Variants in CTIF observed in about 807,000 individuals in gnomAD.
CTIF encodes the protein CBP80/20-dependent translation initiation factor.
Under a neutral mutation model 66.0 loss-of-function variants are expected in CTIF, and 21 were observed. The observed-to-expected ratio is 0.32, with a 90% CI of 0.23 to 0.46. CTIF has a LOEUF of 0.46. Ranked by LOEUF, CTIF falls within the 20% of genes least tolerant of loss-of-function variation. CTIF has a pLI of 1.00. For synonymous variants in CTIF, 345 were observed against 326.4 expected, an observed-to-expected ratio of 1.06 and a Z score of -0.62; for missense variants, 739 against 812.7, an observed-to-expected ratio of 0.91 and a Z score of 1.10.
intron 6 of CTIF, among the ~76,000 whole-genome samples, chr18:48,671,335 CAGG>C (rs556595145): frequency 1.0e-3 from 156 of 152,312 alleles, no homozygotes; most frequent in African/African-American, 3.5e-3. Flanking sequence ...TAGCTGCTCT[CAGG>C]AGTGTGACTG....
intron 1 of CTIF, among the ~76,000 whole-genome samples, chr18:48,586,523 G>A (rs958578759): frequency 4.0e-5 from 6 of 151,654 alleles, no homozygotes; most frequent in African/African-American, 9.7e-5. Flanking sequence ...TGCCCACCTC[G>A]GCCTCCCAAA....
chr18:48,594,032 G>A (rs867205880), intron 1 of CTIF, among the ~76,000 whole-genome samples: 1 of 152,096 alleles, frequency 6.6e-6, no homozygotes, highest in Non-Finnish European at 1.5e-5. Flanking sequence ...TACCTCTCCT[G>A]TGCCACAGAT....
At chr18:48,630,563 G>A (rs995859665) in intron 2 of CTIF, among the ~76,000 whole-genome samples, 2 of 151,624 alleles carry the variant, frequency 1.3e-5, no homozygotes, top group African/African-American at 4.9e-5. Flanking sequence ...ACCTATATGA[G>A]GTTCCCATTT....
chr18:48,736,203 AGCCCCATGGG>A (rs1351345496), intron 7 of CTIF, among the ~76,000 whole-genome samples: 1 of 152,146 alleles, frequency 6.6e-6, no homozygotes, highest in Non-Finnish European at 1.5e-5. Context: ...CGTCCCGCAT[AGCCCCATGGG>A]GCTGTGGTTA....
chr18:48,699,622 A>G (rs1364970236), intron 6 of CTIF, among the ~76,000 whole-genome samples: 1 of 152,170 alleles, frequency 6.6e-6, no homozygotes, highest in Non-Finnish European at 1.5e-5. Flanking sequence ...AAGACCACAG[A>G]CGCAAGTGCT....
At chr18:48,817,775 CAAA>C (rs112155073) in intron 10 of CTIF, among the ~76,000 whole-genome samples, 2 of 137,248 alleles carry the variant, frequency 1.5e-5, no homozygotes, top group Non-Finnish European at 3.2e-5. Flanking sequence ...ACTCGGTCTC[CAAA>C]AAAAAAAAAA....
chr18:48,817,304 C>G lies in CTIF; in HGVS notation c.1455C>G (p.Phe485Leu). Reference protein sequence around the residue: ...LGFITFLCEVFGTMRSSTGEP... With the variant: ...LGFITFLCEVLGTMRSSTGEP... ...TCATCACCTTCCTGTGCGAGGTCTT[C>G]GGCACCATGCGCAGCAGCACAGGCG... The change falls in exon 10 of 12, where the codon TTC becomes TTG. Residue 485 changes from phenylalanine to leucine, a missense_variant. Phe to Leu is a conservative substitution (Grantham distance 22). This residue lies in a region of CTIF where 210 missense variants were observed against 292.3 expected (regional missense o/e 0.72). Coordinates refer to ENST00000256413, the MANE Select transcript of CTIF (RefSeq NM_014772.3). The G allele has an allele frequency of 6.2e-7, 1 of 1,613,938 alleles. No homozygotes were observed. Among genetic ancestry groups the G allele is most frequent in the Non-Finnish European group, 8.5e-7 (1 of 1,179,964 alleles).
At chr18:48,740,944 A>G (rs2092547813) in intron 7 of CTIF, among the ~76,000 whole-genome samples, 1 of 152,130 alleles carries the variant, frequency 6.6e-6, no homozygotes, top group Middle Eastern at 3.2e-3. Flanking sequence ...CTCAGCTTCC[A>G]GCTTTCTAGC....
intron 1 of CTIF, among the ~76,000 whole-genome samples, chr18:48,594,830 T>G (rs1240124596): frequency 6.6e-6 from 1 of 152,204 alleles, no homozygotes; most frequent in Non-Finnish European, 1.5e-5. Context: ...CCTCCTCACC[T>G]GGTGCGTTCA....
chr18:48,667,633 T>G (rs1014329997), intron 5 of CTIF, among the ~76,000 whole-genome samples: 1 of 152,180 alleles, frequency 6.6e-6, no homozygotes, highest in African/African-American at 2.4e-5. Context: ...AGGAGAGGAA[T>G]TCCCCTTATG....
chr18:48,775,548 G>A (rs1910592445), intron 9 of CTIF, among the ~76,000 whole-genome samples: 1 of 152,240 alleles, frequency 6.6e-6, no homozygotes, highest in Non-Finnish European at 1.5e-5. Context: ...AGGGGCCCTG[G>A]GACTGGCCTG....
intron 1 of CTIF, among the ~76,000 whole-genome samples, chr18:48,600,973 C>G (rs1421800587): frequency 6.6e-6 from 1 of 152,144 alleles, no homozygotes; most frequent in Non-Finnish European, 1.5e-5. Context: ...CTTGCTCTCT[C>G]AGCCACGTAG....
intron 6 of CTIF, among the ~76,000 whole-genome samples, chr18:48,673,954 C>G (rs951722810): frequency 1.2e-4 from 19 of 152,206 alleles, no homozygotes; most frequent in Admixed American, 1.2e-3. Context: ...CAGCTCCACT[C>G]AGAGCCCATT....
intron 1 of CTIF, among the ~76,000 whole-genome samples, chr18:48,581,105 A>C (rs2089646402): frequency 6.6e-6 from 1 of 152,162 alleles, no homozygotes; most frequent in Admixed American, 6.5e-5. Flanking sequence ...TCAGCTCTCT[A>C]ATATCCCTTT....
At chr18:48,630,868 G>C (rs1023462356) in intron 2 of CTIF, among the ~76,000 whole-genome samples, 1 of 151,874 alleles carries the variant, frequency 6.6e-6, no homozygotes, top group African/African-American at 2.4e-5. Flanking sequence ...TAGTAGAGAC[G>C]GGGTTTCACC....
At chr18:48,657,019 G>C (rs528521346) in intron 3 of CTIF, among the ~76,000 whole-genome samples, 1 of 152,376 alleles carries the variant, frequency 6.6e-6, no homozygotes, top group South Asian at 2.1e-4. Context: ...GACGAGGGGT[G>C]AATGGGCAGG....
At chr18:48,664,627 C>A in intron 5 of CTIF, 76 bp downstream of exon 5, 1 of 1,256,938 alleles carries the variant, frequency 8.0e-7, no homozygotes, top group Non-Finnish European at 1.1e-6. Flanking sequence ...CACAGGGAGG[C>A]TGCTCTGCTG....
At chr18:48,578,266 T>G (rs946052594) in intron 1 of CTIF, among the ~76,000 whole-genome samples, 11 of 152,224 alleles carry the variant, frequency 7.2e-5, no homozygotes, top group African/African-American at 2.7e-4. Flanking sequence ...TTGGCTATTA[T>G]GAATAATGCT....
chr18:48,646,755 AAG>A (rs2091039478), intron 3 of CTIF, among the ~76,000 whole-genome samples: 1 of 151,382 alleles, frequency 6.6e-6, no homozygotes, highest in South Asian at 2.1e-4. Context: ...AAAAAAAAAA[AAG>A]AAAATAAAAT....
Sources: gnomAD v4.1 joint callset for allele counts (sites outside exome capture counted in the v4.1 genomes callset) on GRCh38, gnomAD v4.1.1 for gene constraint, gnomAD v4.1.1 regional missense constraint, MANE v1.5 for transcripts, NCBI Gene and HGNC (gene_info 2026-07-23, HGNC 2026-07-21) for gene names.